The following ASTN1 variants were observed in gnomAD, a reference collection of about 807,000 sequenced individuals.
The protein encoded by ASTN1 is astrotactin 1, also known as astrotactin-1.
A neutral mutation model predicts 140.7 loss-of-function variants in ASTN1; 41 were observed. The ratio of observed to expected loss-of-function variants is 0.29; its 90% CI spans 0.23 to 0.38. ASTN1 has a LOEUF of 0.38. Ranked by LOEUF, ASTN1 falls within the 10% of genes least tolerant of loss-of-function variation. ASTN1 has a pLI of 1.00. For missense variants in ASTN1, 1,479 were observed against 1,678.8 expected (o/e 0.88, Z 2.08); for synonymous variants, 640 against 652.2 (o/e 0.98, Z 0.29).
At chr1:176,934,364 G>A in intron 15 of ASTN1, 24 bp from the exon 16 acceptor site, 1 of 1,575,158 alleles carries the variant, frequency 6.3e-7, no homozygotes, top group Non-Finnish European at 8.7e-7. Flanking sequence ...TCACCCAAGG[G>A]TAAGAATGAG....
chr1:176,922,990 T>C (rs1176609030), intron 16 of ASTN1, among the ~76,000 whole-genome samples: 1 of 152,138 alleles, frequency 6.6e-6, no homozygotes, highest in African/African-American at 2.4e-5. Context: ...TTGTATCCAA[T>C]CCTGGTACAA....
Position 176,920,401 on chromosome 1 carries a change from G to A in ASTN1, c.2671+13751C>T, listed in dbSNP as rs548017544. On this transcript the variant is annotated intron_variant, in intron 16 of 22. Coordinates refer to ENST00000361833, the MANE Select transcript of ASTN1 (RefSeq NM_004319.3). ...GTGGTCCAGGCATCCCACATGACCC[G>A]GGGATGGCCTAATCTAGCTGGCCAA... Among the ~76,000 whole-genome samples, 27 of 152,244 alleles carry A rather than the reference G, an allele frequency of 1.8e-4. No homozygotes were observed. The East Asian group carries it at 2.3e-3, about 13-fold the overall frequency.
chr1:177,159,165 A>C (rs1157143260), intron 1 of ASTN1, among the ~76,000 whole-genome samples: 1 of 152,148 alleles, frequency 6.6e-6, no homozygotes, highest in Admixed American at 6.5e-5. Context: ...AAGCAGTTAA[A>C]ATGTTGTAAA....
chr1:177,060,942 G>T, intron 2 of ASTN1, 136 bp downstream of exon 2: 1 of 945,550 alleles, frequency 1.1e-6, no homozygotes, highest in Non-Finnish European at 1.4e-6. Flanking sequence ...TCCCACAAAT[G>T]GGAAATTTAC....
At chr1:176,881,708 C>T (rs895436504) in intron 20 of ASTN1, among the ~76,000 whole-genome samples, 12 of 152,150 alleles carry the variant, frequency 7.9e-5, no homozygotes, top group Admixed American at 2.0e-4. Flanking sequence ...TATATACTGT[C>T]GAAATCCTCT....
intron 8 of ASTN1, among the ~76,000 whole-genome samples, chr1:176,983,709 A>G (rs1230187048): frequency 6.6e-6 from 1 of 152,094 alleles, no homozygotes; most frequent in Non-Finnish European, 1.5e-5. Context: ...TTTTTTGCTG[A>G]AGGCAACTCA....
intron 16 of ASTN1, among the ~76,000 whole-genome samples, chr1:176,927,666 C>T (rs1671028948): frequency 6.6e-6 from 1 of 152,126 alleles, no homozygotes; most frequent in Non-Finnish European, 1.5e-5. Context: ...ACATGCCAGG[C>T]ACTGTGTCAG....
chr1:177,123,834 G>A (rs1225379156), intron 1 of ASTN1, among the ~76,000 whole-genome samples: 1 of 152,196 alleles, frequency 6.6e-6, no homozygotes, highest in Non-Finnish European at 1.5e-5. Flanking sequence ...CCTCAGGATC[G>A]ATTTGTGAGC....
chr1:177,045,090 T>C (rs888319036), intron 2 of ASTN1, among the ~76,000 whole-genome samples: 1 of 152,132 alleles, frequency 6.6e-6, no homozygotes, highest in Non-Finnish European at 1.5e-5. Flanking sequence ...GCCCTTTCTG[T>C]GCTTTCAAGT....
At chr1:177,108,574 C>T (rs1334887857) in intron 1 of ASTN1, among the ~76,000 whole-genome samples, 2 of 152,088 alleles carry the variant, frequency 1.3e-5, no homozygotes, top group Middle Eastern at 3.2e-3. Flanking sequence ...TGTATACCCA[C>T]TCCCTGCCCC....
chr1:176,962,096 A>AG (rs1243347639), intron 9 of ASTN1, among the ~76,000 whole-genome samples: 40 of 152,340 alleles, frequency 2.6e-4, no homozygotes, highest in Non-Finnish European at 2.9e-5. Context: ...AGAGCAGGCT[A>AG]TTCCAGGACA....
intron 7 of ASTN1, among the ~76,000 whole-genome samples, chr1:177,021,617 G>A (rs1380724722): frequency 2.0e-5 from 3 of 152,200 alleles, no homozygotes; most frequent in Non-Finnish European, 4.4e-5. Context: ...GAATTCAAAT[G>A]TGAATGTAAA....
chr1:176,945,385 A>C (rs1054205460), intron 13 of ASTN1, among the ~76,000 whole-genome samples: 1 of 152,260 alleles, frequency 6.6e-6, no homozygotes, highest in African/African-American at 2.4e-5. Context: ...ACATGAGAGA[A>C]GTAATATTTT....
intron 15 of ASTN1, chr1:176,936,057 A>C (rs549007329): frequency 1.6e-6 from 1 of 638,744 alleles, no homozygotes; most frequent in Admixed American, 2.2e-5. Context: ...GTAGTCCAAG[A>C]TAACACATGC....
chr1:177,048,430 C>T (rs1396359890), intron 2 of ASTN1, among the ~76,000 whole-genome samples: 1 of 152,168 alleles, frequency 6.6e-6, no homozygotes, highest in African/African-American at 2.4e-5. Flanking sequence ...ATACTTTTTC[C>T]CCCTTAAGGC....
intron 7 of ASTN1, among the ~76,000 whole-genome samples, chr1:177,018,950 A>T (rs1675691612): frequency 6.6e-6 from 1 of 152,214 alleles, no homozygotes. Context: ...ACCTGGGGAC[A>T]TATGGGAGAG....
At chr1:177,114,824 ACT>A (rs1681002121) in intron 1 of ASTN1, among the ~76,000 whole-genome samples, 1 of 151,842 alleles carries the variant, frequency 6.6e-6, no homozygotes, top group South Asian at 2.1e-4. Context: ...CACAGTCAAA[ACT>A]CTCCTTTTGC....
chr1:176,964,119 C>A (rs956306885), intron 9 of ASTN1, among the ~76,000 whole-genome samples: 6 of 152,130 alleles, frequency 3.9e-5, no homozygotes, highest in African/African-American at 1.2e-4. Flanking sequence ...CTCTAGGAGG[C>A]AAATGCAGGA....
intron 2 of ASTN1, among the ~76,000 whole-genome samples, chr1:177,039,274 T>C (rs1676864816): frequency 6.6e-6 from 1 of 152,232 alleles, no homozygotes. Flanking sequence ...AGGAATTAAA[T>C]AGTGGTTACA....
Sources: allele counts gnomAD v4.1 joint callset (sites outside exome capture counted in the v4.1 genomes callset), GRCh38; gene constraint gnomAD v4.1.1; transcripts MANE v1.5; gene names NCBI Gene and HGNC (gene_info 2026-07-23, HGNC 2026-07-21).